The following MCF2L2 variants were observed in gnomAD, a reference collection of about 807,000 sequenced individuals.
MCF2L2 encodes the protein probable guanine nucleotide exchange factor MCF2L2.
Under a neutral mutation model 150.2 loss-of-function variants are expected in MCF2L2, and 102 were observed. The observed-to-expected ratio is 0.68, with a 90% CI of 0.58 to 0.80. The LOEUF (loss-of-function observed/expected upper bound fraction) is 0.80, where lower values mean the gene tolerates loss of function less well. Ranked by LOEUF, MCF2L2 falls within the 30% of genes least tolerant of loss-of-function variation. The pLI, the probability that MCF2L2 is intolerant of heterozygous loss-of-function variation, is 0.00. For missense variants in MCF2L2, 1,256 were observed against 1,372.8 expected, an observed-to-expected ratio of 0.91 and a Z score of 1.34; for synonymous variants, 465 against 491.3, an observed-to-expected ratio of 0.95 and a Z score of 0.71.
intron 1 of MCF2L2, among the ~76,000 whole-genome samples, chr3:183,409,771 G>C (rs145128781): frequency 6.6e-6 from 1 of 152,046 alleles, no homozygotes; most frequent in African/African-American, 2.4e-5. Context: ...GGTCAGGCTG[G>C]ACTCAAACTC....
chr3:183,424,609 C>A (rs1172868148), intron 1 of MCF2L2, among the ~76,000 whole-genome samples: 1 of 152,084 alleles, frequency 6.6e-6, no homozygotes, highest in Non-Finnish European at 1.5e-5. Context: ...GTTAAACAAG[C>A]GCACGAATAA....
chr3:183,351,220 A>G (rs1279119579), intron 3 of MCF2L2, among the ~76,000 whole-genome samples: 5 of 87,390 alleles, frequency 5.7e-5, no homozygotes, highest in East Asian at 8.3e-4. Flanking sequence ...ATATATATAT[A>G]TATATATATA....
chr3:183,375,065 G>A (rs1713118553), intron 3 of MCF2L2: 1 of 149,632 alleles, frequency 6.7e-6, no homozygotes, highest in South Asian at 2.1e-4. Context: ...AACAATATAT[G>A]TTTTCAAAAA....
chr3:183,300,276 A>C (rs1728773160), intron 10 of MCF2L2, 80 bp from the exon 11 acceptor site: 2 of 1,281,146 alleles, frequency 1.6e-6, no homozygotes, highest in Non-Finnish European at 1.1e-6. Context: ...TGTGTGCTCC[A>C]AGCCTGGAGG....
chr3:183,347,134 A>G (rs951066363), intron 3 of MCF2L2, among the ~76,000 whole-genome samples: 1 of 152,230 alleles, frequency 6.6e-6, no homozygotes, highest in South Asian at 2.1e-4. Flanking sequence ...TGAAGGCATC[A>G]TGCTACCTGA....
At chr3:183,315,974 C>T (rs1046122039) in intron 7 of MCF2L2, among the ~76,000 whole-genome samples, 8 of 152,214 alleles carry the variant, frequency 5.3e-5, no homozygotes, top group Non-Finnish European at 7.3e-5. Context: ...AGGCAAAGAA[C>T]GCACCGTGCT....
At chr3:183,346,188 T>C (rs1043265335) in intron 3 of MCF2L2, among the ~76,000 whole-genome samples, 2 of 152,292 alleles carry the variant, frequency 1.3e-5, no homozygotes. Context: ...ACTGGCAAAC[T>C]GAATCCAGCA....
intron 1 of MCF2L2, among the ~76,000 whole-genome samples, chr3:183,426,682 G>A (rs16857470): frequency 0.15 from 22,149 of 152,118 alleles, 2,386 homozygotes; most frequent in African/African-American, 0.31. Flanking sequence ...TGCAGATTCC[G>A]AATTCTGTTT....
At chr3:183,341,216 T>G (rs1730682467) in intron 4 of MCF2L2, among the ~76,000 whole-genome samples, 1 of 152,214 alleles carries the variant, frequency 6.6e-6, no homozygotes, top group Non-Finnish European at 1.5e-5. Context: ...AGCTGAGATA[T>G]TTATCTACCA....
intron 1 of MCF2L2, among the ~76,000 whole-genome samples, chr3:183,420,002 A>G (rs778572580): frequency 9.3e-4 from 141 of 152,228 alleles, no homozygotes; most frequent in Admixed American, 7.2e-4. Context: ...TTTCTTTGCT[A>G]AAGTATAGCA....
intron 3 of MCF2L2, chr3:183,372,691 C>CAAAAAAGA (rs1458952750): frequency 6.6e-6 from 1 of 151,250 alleles, no homozygotes; most frequent in Non-Finnish European, 1.5e-5. Context: ...GACTCGGTCT[C>CAAAAAAGA]AAAAAAGAAA....
At chr3:183,262,785 G>T (rs900374775) in intron 15 of MCF2L2, among the ~76,000 whole-genome samples, 16 of 152,082 alleles carry the variant, frequency 1.1e-4, no homozygotes, top group Non-Finnish European at 1.8e-4. Flanking sequence ...AAGGGAGAAG[G>T]TTCGGGACAA....
chr3:183,246,412 G>T (rs1341067486), intron 15 of MCF2L2, among the ~76,000 whole-genome samples: 2 of 152,100 alleles, frequency 1.3e-5, no homozygotes, highest in Non-Finnish European at 2.9e-5. Flanking sequence ...CCTATTCTAG[G>T]TGTCTCATAT....
chr3:183,195,010 T>A (rs528248909), intron 26 of MCF2L2, among the ~76,000 whole-genome samples: 6 of 152,268 alleles, frequency 3.9e-5, no homozygotes, highest in Non-Finnish European at 7.4e-5. Flanking sequence ...CTCAAACTCC[T>A]GGGCTCAAGC....
At chr3:183,311,125 G>T in intron 8 of MCF2L2, 96 bp from the exon 9 acceptor site, 1 of 690,580 alleles carries the variant, frequency 1.4e-6, no homozygotes, top group Non-Finnish European at 2.6e-6. Context: ...TCTTCGGTCA[G>T]TGGTGTCAAT....
chr3:183,212,026 A>G (rs187825383), intron 22 of MCF2L2, among the ~76,000 whole-genome samples: 1 of 152,332 alleles, frequency 6.6e-6, no homozygotes, highest in Admixed American at 6.5e-5. Flanking sequence ...TTATAAAAAA[A>G]GAAAACAAAG....
At chr3:183,415,511 T>A (rs2108627032) in intron 1 of MCF2L2, among the ~76,000 whole-genome samples, 1 of 152,264 alleles carries the variant, frequency 6.6e-6, no homozygotes, top group African/African-American at 2.4e-5. Flanking sequence ...CTATGTCTCC[T>A]TTCAATTCTG....
At chr3:183,276,818 C>T (rs1727178921) in intron 15 of MCF2L2, 54 bp downstream of exon 15, 1 of 1,274,348 alleles carries the variant, frequency 7.8e-7, no homozygotes, top group Non-Finnish European at 1.1e-6. Flanking sequence ...AGGATCCTCG[C>T]CACCCATGCC....
intron 1 of MCF2L2, among the ~76,000 whole-genome samples, chr3:183,411,997 C>T (rs1040544923): frequency 6.6e-6 from 1 of 152,086 alleles, no homozygotes; most frequent in African/African-American, 2.4e-5. Flanking sequence ...GTGAAATGCA[C>T]AGAAGGTTAA....
Sources: allele counts gnomAD v4.1 joint callset (sites outside exome capture counted in the v4.1 genomes callset), GRCh38; gene constraint gnomAD v4.1.1; transcripts MANE v1.5; gene names NCBI Gene and HGNC (gene_info 2026-07-23, HGNC 2026-07-21).